Variants in CRISPLD2 observed in about 807,000 individuals in gnomAD.
The protein encoded by CRISPLD2 is cysteine-rich secretory protein LCCL domain-containing 2.
A neutral mutation model predicts 71.1 loss-of-function variants in CRISPLD2; 47 were observed. The ratio of observed to expected loss-of-function variants is 0.66; its 90% CI spans 0.52 to 0.84. The LOEUF is 0.84. Among genes scored for constraint, CRISPLD2 ranks in the 40% least tolerant of loss-of-function variants. The pLI is 0.00. For synonymous variants in CRISPLD2, 317 were observed against 250.1 expected (o/e 1.27, Z -2.52); for missense variants, 830 against 651.1 (o/e 1.27, Z -2.99).
At chr16:84,879,627 G>T (rs2071550980) in intron 12 of CRISPLD2, among the ~76,000 whole-genome samples, 2 of 151,806 alleles carry the variant, frequency 1.3e-5, no homozygotes, top group Admixed American at 6.6e-5. Context: ...CTCCCAAAGT[G>T]CTGGGATCAC....
intron 14 of CRISPLD2, among the ~76,000 whole-genome samples, chr16:84,899,419 A>G (rs1304840915): frequency 6.6e-6 from 1 of 152,116 alleles, no homozygotes; most frequent in Non-Finnish European, 1.5e-5. Context: ...ATCAAGCCAC[A>G]CTCGTTATTC....
chr16:84,854,021 C>G (rs1358780606), intron 5 of CRISPLD2, among the ~76,000 whole-genome samples: 1 of 152,198 alleles, frequency 6.6e-6, no homozygotes, highest in Non-Finnish European at 1.5e-5. Context: ...TTTCCTGCCC[C>G]TGGGAACTCC....
chr16:84,894,941 A>G (rs1260308396), intron 14 of CRISPLD2, among the ~76,000 whole-genome samples: 3 of 151,928 alleles, frequency 2.0e-5, no homozygotes, highest in Non-Finnish European at 4.4e-5. Flanking sequence ...GAAACAGAAG[A>G]TACTAAGCTA....
At chr16:84,848,954 C>A (rs112869950) in intron 3 of CRISPLD2, among the ~76,000 whole-genome samples, 4 of 79,174 alleles carry the variant, frequency 5.1e-5, no homozygotes, top group Middle Eastern at 0.011. Flanking sequence ...CCACTGCACT[C>A]CAGCCTGGGC....
rs1007915388 is a variant in CRISPLD2 at position 84,854,744 on chromosome 16, A to G, written c.624A>G (p.Gly208=). The G allele has an allele frequency of 1.9e-6, 3 of 1,613,878 alleles. No homozygotes were observed. Among genetic ancestry groups the G allele is most frequent in the Non-Finnish European group, 2.5e-6 (3 of 1,179,914 alleles). Residue 208 remains glycine, a synonymous_variant, in exon 6 of 15, where the codon GGA becomes GGG. Coordinates refer to ENST00000262424, the MANE Select transcript of CRISPLD2 (RefSeq NM_031476.4). ...CTGTCCTCAGGGGGAACTGGATTGG[A>G]GAAGCCCCCTACAAGAATGGCCGGC... ...CNYSPKGNWI[G]EAPYKNGRPC... is the part of the protein sequence containing the mutation.
Position 84,908,938 on chromosome 16 carries a change from C to T in CRISPLD2, c.*2296C>T, listed in dbSNP as rs1338500940. 1.3e-5 allele frequency: 2 copies of T among 151,938 alleles called. No individual in the cohort carries two copies. The highest frequency in any genetic ancestry group is 2.1e-4 in the South Asian group (1 of 4,814). The allele number at this position is 151,938 out of a possible 1,614,324, so 9.4% of individuals were successfully genotyped here. A position where few individuals can be genotyped will look rare whatever the true frequency, so the allele number is the denominator to read the frequency against. ...TCCTTACCTCAGGTGATCCACCCACCTTGGCCTCCCGAAGTGCTGGGATTA... is the reference window on the plus strand; with the variant it reads ...TCCTTACCTCAGGTGATCCACCCACTTTGGCCTCCCGAAGTGCTGGGATTA... On this transcript the variant is annotated 3_prime_UTR_variant, in exon 15 of 15. Coordinates refer to ENST00000262424, the MANE Select transcript of CRISPLD2 (RefSeq NM_031476.4).
intron 6 of CRISPLD2, among the ~76,000 whole-genome samples, chr16:84,863,802 C>T (rs527353136): frequency 2.6e-5 from 4 of 151,904 alleles, no homozygotes; most frequent in African/African-American, 7.3e-5. Flanking sequence ...AACCCAGTCA[C>T]TACTAAAAAT....
chr16:84,850,822 GGTT>G (rs1917068263), intron 5 of CRISPLD2, 139 bp downstream of exon 5: 1 of 672,092 alleles, frequency 1.5e-6, no homozygotes, highest in South Asian at 1.8e-5. Flanking sequence ...AGTGCATCTG[GGTT>G]AGCGTAATAG....
At chr16:84,864,811 C>T (rs80013800) in intron 6 of CRISPLD2, among the ~76,000 whole-genome samples, 1 of 152,034 alleles carries the variant, frequency 6.6e-6, no homozygotes, top group Non-Finnish European at 1.5e-5. Flanking sequence ...ATGACAGTTG[C>T]GAGCAAGCTG....
chr16:84,900,303 T>C (rs1453996768), intron 14 of CRISPLD2, among the ~76,000 whole-genome samples: 1 of 152,116 alleles, frequency 6.6e-6, no homozygotes, highest in African/African-American at 2.4e-5. Context: ...GGATTGCAGA[T>C]CTTAGCAGCC....
chr16:84,897,088 G>C (rs983653211), intron 14 of CRISPLD2, among the ~76,000 whole-genome samples: 3 of 152,226 alleles, frequency 2.0e-5, no homozygotes, highest in African/African-American at 4.8e-5. Context: ...GGAGCCCCGT[G>C]CTTCTGGGGA....
chr16:84,876,892 C>T (rs997355768), intron 11 of CRISPLD2, among the ~76,000 whole-genome samples: 6 of 152,214 alleles, frequency 3.9e-5, no homozygotes, highest in African/African-American at 1.4e-4. Context: ...GTTTCCTTAC[C>T]TGTGTTGTTT....
chr16:84,853,230 C>T (rs111901379), intron 5 of CRISPLD2, among the ~76,000 whole-genome samples: 6,992 of 152,196 alleles, frequency 0.046, 540 homozygotes, highest in African/African-American at 0.16. Flanking sequence ...GGCAGTGGGA[C>T]GTACCCACGA....
At chr16:84,850,828 C>T (rs1005880957) in intron 5 of CRISPLD2, 145 bp downstream of exon 5, 20 of 653,004 alleles carry the variant, frequency 3.1e-5, no homozygotes, top group Middle Eastern at 4.0e-4. Context: ...TCTGGGTTAG[C>T]GTAATAGCTA....
intron 9 of CRISPLD2, 143 bp from the exon 10 acceptor site, chr16:84,872,849 G>T: frequency 2.9e-6 from 3 of 1,035,544 alleles, no homozygotes. Context: ...GTTACAGACA[G>T]AGGCGAGAGG....
chr16:84,843,671 T>TATCATTTAGTA (rs140630146), intron 2 of CRISPLD2, among the ~76,000 whole-genome samples: 3,963 of 152,334 alleles, frequency 0.026, 136 homozygotes, highest in African/African-American at 0.082. Flanking sequence ...ATGATGCTGT[T>TATCATTTAGTA]ATCATTTAGT....
intron 14 of CRISPLD2, among the ~76,000 whole-genome samples, chr16:84,893,373 C>G (rs11149692): frequency 0.17 from 26,377 of 152,196 alleles, 2,445 homozygotes; most frequent in Middle Eastern, 0.24. Context: ...TGGCTGGATC[C>G]TAAGAAATGG....
intron 13 of CRISPLD2, among the ~76,000 whole-genome samples, chr16:84,881,637 T>C (rs1473499639): frequency 6.6e-6 from 1 of 151,702 alleles, no homozygotes; most frequent in Non-Finnish European, 1.5e-5. Flanking sequence ...GCTAATGTTT[T>C]TTATTTTTTT....
At chr16:84,903,183 C>T (rs111755714) in intron 14 of CRISPLD2, among the ~76,000 whole-genome samples, 112 of 152,294 alleles carry the variant, frequency 7.4e-4, no homozygotes, top group Middle Eastern at 3.4e-3. Context: ...GGCCTCCCGT[C>T]AATTTAATGC....
Sources: gnomAD v4.1 joint callset for allele counts (sites outside exome capture counted in the v4.1 genomes callset) on GRCh38, gnomAD v4.1.1 for gene constraint, MANE v1.5 for transcripts, NCBI Gene and HGNC (gene_info 2026-07-23, HGNC 2026-07-21) for gene names.